Variants in ADARB1 observed in about 807,000 individuals in gnomAD.
ADARB1 encodes adenosine deaminase RNA specific B1, also known as double-stranded RNA-specific editase 1.
In ADARB1, 10 loss-of-function variants were observed where a neutral mutation model predicts 52.4. The ratio of observed to expected loss-of-function variants is 0.19; its 90% confidence interval spans 0.12 to 0.32. The LOEUF is 0.32. Among genes scored for constraint, ADARB1 ranks in the 10% least tolerant of loss-of-function variants. The probability of loss-of-function intolerance (pLI) is 1.00; values close to 1 mark genes in which losing one functional copy is unlikely to be tolerated. For missense variants in ADARB1, 643 were observed against 922.3 expected (o/e 0.70, Z 3.92); for synonymous variants, 349 against 371.1 (o/e 0.94, Z 0.68).
At chr21:45,083,441 A>T (rs1273597452) in intron 1 of ADARB1, among the ~76,000 whole-genome samples, 1 of 152,222 alleles carries the variant, frequency 6.6e-6, no homozygotes, top group South Asian at 2.1e-4. Flanking sequence ...ATAAAACCAT[A>T]AAGTTTGACA....
At position 45,180,384 on chromosome 21, in the gene ADARB1, G is replaced by A. The variant is rs765006153; in HGVS notation, c.1018G>A (p.Asp340Asn). 5.0e-6 allele frequency: 8 copies of A among 1,614,118 alleles called. No homozygotes were observed. The highest frequency in any genetic ancestry group is 6.8e-6 in the Non-Finnish European group (8 of 1,180,014). The change falls in exon 5 of 11, where the codon GAC becomes AAC. Residue 340 changes from aspartate to asparagine, a missense_variant. This residue lies in a region of ADARB1 where 380 missense variants were observed against 446.5 expected (regional missense o/e 0.85). Coordinates refer to ENST00000348831, the MANE Select transcript of ADARB1 (RefSeq NM_001112.4). ...CCTGGGTAAGTTTGGTGACCTGACCGACAACTTCTCCTCCCCTCACGCTCG... is the reference window on the plus strand; with the variant it reads ...CCTGGGTAAGTTTGGTGACCTGACCAACAACTTCTCCTCCCCTCACGCTCG... ...LVLGKFGDLT[D>N]NFSSPHARRK...
intron 1 of ADARB1, among the ~76,000 whole-genome samples, chr21:45,113,481 G>A (rs4818762): frequency 7.7e-5 from 10 of 130,038 alleles, no homozygotes; most frequent in African/African-American, 1.8e-4. Flanking sequence ...ATATATATAT[G>A]TGTGTGTGTG....
chr21:45,225,055 G>C lies in ADARB1; in HGVS notation c.*2858G>C. On this transcript the variant is annotated 3_prime_UTR_variant, in exon 11 of 11. Transcript: ENST00000348831. Reference sequence around the variant, plus strand: ...TTTGAGGACATTTTGACAAGTAGGGGAAGAGAGGGCTTCTGTTGTTTTGTT... The same window carrying C: ...TTTGAGGACATTTTGACAAGTAGGGCAAGAGAGGGCTTCTGTTGTTTTGTT... The C allele has an allele frequency of 8.2e-6, 8 of 974,940 alleles. No individual in the cohort carries two copies. The highest frequency in any genetic ancestry group is 7.3e-6 in the Non-Finnish European group (6 of 827,382). The allele number at this position is 974,940 out of a possible 1,614,324, so 60.4% of individuals were successfully genotyped here.
chr21:45,115,675 A>G (rs529939918), intron 1 of ADARB1, among the ~76,000 whole-genome samples: 159 of 152,372 alleles, frequency 1.0e-3, no homozygotes, highest in Non-Finnish European at 1.7e-3. Context: ...TAGTTGAGGT[A>G]GCTTTTAAAA....
At chr21:45,129,618 G>A (rs1326434357) in intron 2 of ADARB1, among the ~76,000 whole-genome samples, 1 of 152,238 alleles carries the variant, frequency 6.6e-6, no homozygotes, top group Non-Finnish European at 1.5e-5. Context: ...ACTGGACACA[G>A]CCGTGCTCCC....
chr21:45,108,983 G>A lies in ADARB1; in HGVS notation c.-219-19419G>A, dbSNP rs554966727. Among the ~76,000 whole-genome samples, 16 of 152,340 alleles carry A rather than the reference G, an allele frequency of 1.1e-4. No homozygotes were observed. In the South Asian group the frequency reaches 2.9e-3, roughly 28 times the overall value. On this transcript the variant is annotated intron_variant, in intron 1 of 10. Coordinates refer to ENST00000348831, the MANE Select transcript of ADARB1 (RefSeq NM_001112.4). ...CACCTGAAGGAGGTGGCATTGCTAG[G>A]ACTCTACTTTTGGGGCTGAATCAGC...
intron 2 of ADARB1, among the ~76,000 whole-genome samples, chr21:45,158,381 A>G (rs1411228987): frequency 6.6e-6 from 1 of 152,234 alleles, no homozygotes; most frequent in African/African-American, 2.4e-5. Flanking sequence ...ATGTGGAAGC[A>G]AACGGGACCA....
At position 45,223,843 on chromosome 21, in the gene ADARB1, C is replaced by T. The variant is rs1330320620; in HGVS notation, c.*1646C>T. Reference sequence around the variant, plus strand: ...CCACACAGATCTCGTCGCAGCACGGCAGGAAGGGGTGCTGCTTAGGGCTCA... The same window carrying T: ...CCACACAGATCTCGTCGCAGCACGGTAGGAAGGGGTGCTGCTTAGGGCTCA... On this transcript the variant is annotated 3_prime_UTR_variant, in exon 11 of 11. Coordinates refer to ENST00000348831, the MANE Select transcript of ADARB1 (RefSeq NM_001112.4). 5.1e-6 allele frequency: 5 copies of T among 985,322 alleles called. No homozygotes were observed. Among genetic ancestry groups the T allele is most frequent in the Non-Finnish European group, 6.0e-6 (5 of 829,966 alleles). 61.0% of individuals were successfully genotyped at this position (985,322 alleles called of 1,614,324 possible).
At chr21:45,207,296 G>A (rs1291238387) in intron 9 of ADARB1, among the ~76,000 whole-genome samples, 1 of 152,202 alleles carries the variant, frequency 6.6e-6, no homozygotes, top group East Asian at 1.9e-4. Flanking sequence ...TTTCCCTGAA[G>A]AGAGTTCAGA....
chr21:45,220,765 C>G lies in ADARB1; in HGVS notation c.1748-71C>G. 6.5e-7 allele frequency: 1 copy of G among 1,535,688 alleles called. No individual in the cohort carries two copies. On this transcript the variant is annotated intron_variant, in intron 9 of 10. Transcript: ENST00000348831. The surrounding 1 kb of genome is among the most constrained non-coding windows in gnomAD (Gnocchi z 6.3). ...TGTGGCCATGTCTGAGCACAGTGTG[C>G]CGCCCGTGGCTGCTCCCTCCCTGGG...
chr21:45,179,700 T>C (rs1448883998), intron 4 of ADARB1, among the ~76,000 whole-genome samples: 1 of 152,006 alleles, frequency 6.6e-6, no homozygotes, highest in Non-Finnish European at 1.5e-5. Flanking sequence ...TCTGGGCGAG[T>C]GAGCGGAGTC....
chr21:45,147,214 A>T (rs1398705075), intron 2 of ADARB1, among the ~76,000 whole-genome samples: 1 of 152,262 alleles, frequency 6.6e-6, no homozygotes, highest in Non-Finnish European at 1.5e-5. Flanking sequence ...GGGAATAATT[A>T]AATTAATAAA....
In ADARB1 at chr21:45,157,141, G is replaced by A. The variant is rs75395844; in HGVS notation, c.-47-14469G>A. On this transcript the variant is annotated intron_variant, in intron 2 of 10. Transcript: ENST00000348831. The surrounding 1 kb of genome is among the most constrained non-coding windows in gnomAD (Gnocchi z 4.1). ...CAGCACAAGAAAGACTCTGCTGCCT[G>A]GGCAGGAGCTCCTCTCAGCTACAGG... 0.065 allele frequency among the ~76,000 whole-genome samples: 9,904 copies of A among 152,274 alleles called. 398 individuals carry two copies. The highest frequency in any genetic ancestry group is 0.15 in the East Asian group (788 of 5,176).
At chr21:45,148,080 C>G (rs762938566) in intron 2 of ADARB1, among the ~76,000 whole-genome samples, 1 of 152,332 alleles carries the variant, frequency 6.6e-6, no homozygotes, top group East Asian at 1.9e-4. Flanking sequence ...GCCCCCGTCA[C>G]AAGCTAAGCA....
intron 8 of ADARB1, among the ~76,000 whole-genome samples, chr21:45,189,706 G>T (rs1048812543): frequency 6.7e-6 from 1 of 149,730 alleles, no homozygotes; most frequent in African/African-American, 2.4e-5. Context: ...AGTTTTGCCA[G>T]ATCAAATATG....
At position 45,208,345 on chromosome 21, in the gene ADARB1, G is replaced by A. The variant is rs1270733792; in HGVS notation, c.1747+3609G>A. On this transcript the variant is annotated intron_variant, in intron 9 of 10. Coordinates refer to ENST00000348831, the MANE Select transcript of ADARB1 (RefSeq NM_001112.4). This position sits in a 1 kb window ranked among gnomAD's most constrained non-coding sequence, Gnocchi z 5.6. ...TGGTTTTCATGTTGAATGTTGGCAC[G>A]AAACGTTAACAAACAAGGCTACATG... Among the ~76,000 whole-genome samples, 2 of 152,180 alleles carry A rather than the reference G, an allele frequency of 1.3e-5. No individual in the cohort carries two copies. Among genetic ancestry groups the A allele is most frequent in the African/African-American group, 2.4e-5 (1 of 41,432 alleles).
intron 8 of ADARB1, among the ~76,000 whole-genome samples, chr21:45,198,015 A>T (rs910881351): frequency 1.3e-5 from 2 of 152,228 alleles, no homozygotes; most frequent in African/African-American, 4.8e-5. Flanking sequence ...TGTGCAGTTT[A>T]TTGTATGTCA....
At chr21:45,165,131 T>A in intron 2 of ADARB1, among the ~76,000 whole-genome samples, 1 of 152,130 alleles carries the variant, frequency 6.6e-6, no homozygotes, top group East Asian at 1.9e-4. Flanking sequence ...TCTACTACTG[T>A]CTGTGCGACT....
At chr21:45,111,922 T>C (rs550565789) in intron 1 of ADARB1, among the ~76,000 whole-genome samples, 11 of 152,244 alleles carry the variant, frequency 7.2e-5, no homozygotes, top group Non-Finnish European at 1.6e-4. Flanking sequence ...GAGTGGGTGA[T>C]GCTGGCATGG....
Sources: allele counts gnomAD v4.1 joint callset (sites outside exome capture counted in the v4.1 genomes callset), GRCh38; gene constraint gnomAD v4.1.1; regional missense constraint gnomAD v4.1.1; non-coding constraint Gnocchi (gnomAD v3.1); transcripts MANE v1.5; gene names NCBI Gene and HGNC (gene_info 2026-07-23, HGNC 2026-07-21).